Variants in COL18A1 observed in about 807,000 individuals in gnomAD.
The protein encoded by COL18A1 is collagen alpha-1(XVIII) chain.
COL18A1 carries 133 observed loss-of-function variants against 168.0 expected under a neutral mutation model. That is an observed-to-expected ratio of 0.79 (90% CI 0.69 to 0.91). The LOEUF is 0.91. Ranked by LOEUF, COL18A1 falls within the 40% of genes least tolerant of loss-of-function variation. The pLI, the probability that COL18A1 is intolerant of heterozygous loss-of-function variation, is 0.00. For missense variants in COL18A1, 2,126 were observed against 1,925.4 expected (o/e 1.10, Z -1.95); for synonymous variants, 949 against 809.0 (o/e 1.17, Z -2.94).
At position 45,491,373 on chromosome 21, in the gene COL18A1, A is replaced by C. The variant is rs1385698550; in HGVS notation, c.2157+59A>C. ...TCCAGACCCCCCACGGGGTGCAGAG[A>C]TCCCTCCCCGAGCCCCCCCCACACC... On this transcript the variant is annotated intron_variant, in intron 22 of 41. Transcript: ENST00000651438. 7.5e-6 allele frequency: 7 copies of C among 932,404 alleles called. No homozygotes were observed. In the East Asian group the frequency reaches 1.8e-4, roughly 25 times the overall value. The allele number at this position is 932,404 out of a possible 1,614,324, so 57.8% of individuals were successfully genotyped here. A position where few individuals can be genotyped will look rare whatever the true frequency, so the allele number is the denominator to read the frequency against.
rs2034433533 is a variant in COL18A1 at position 45,443,370 on chromosome 21, TA to T, written c.107-24869del. On this transcript the variant is annotated intron_variant, in intron 2 of 41. Coordinates refer to ENST00000651438, the MANE Select transcript of COL18A1 (RefSeq NM_001379500.1). This position sits in a 1 kb window ranked among gnomAD's most constrained non-coding sequence, Gnocchi z 5.2. ...AAAACCCAGTTAAGGAGCAACCTGG[TA>T]AACCCTTGAAAACCAAGTGGGCCTT... is the stretch of plus-strand genomic sequence containing the variant. 1.3e-5 allele frequency among the ~76,000 whole-genome samples: 2 copies of T among 152,278 alleles called. No individual in the cohort carries two copies. The highest frequency in any genetic ancestry group is 2.9e-5 in the Non-Finnish European group (2 of 68,004).
At chr21:45,476,741 CAT>C (rs945672949) in intron 6 of COL18A1, among the ~76,000 whole-genome samples, 6 of 144,402 alleles carry the variant, frequency 4.2e-5, no homozygotes, top group East Asian at 2.1e-4. Flanking sequence ...TGCATGTGGG[CAT>C]GTGTGTGTGC....
chr21:45,494,379 G>A (rs759089272), intron 26 of COL18A1, 166 bp from the exon 27 acceptor site: 2 of 935,848 alleles, frequency 2.1e-6, no homozygotes, highest in Non-Finnish European at 3.3e-6. Context: ...CCTGCGCCTT[G>A]GGGACGGCCC....
At chr21:45,508,471 GTGGGTGAGTGGA>G (rs1203680794) in intron 38 of COL18A1, among the ~76,000 whole-genome samples, 4 of 149,084 alleles carry the variant, frequency 2.7e-5, no homozygotes, top group Admixed American at 6.6e-5. Flanking sequence ...GGATGGACAG[GTGGGTGAGTGGA>G]TGGGTGGGTG....
chr21:45,504,176 G>A (rs577307410), intron 33 of COL18A1, 122 bp downstream of exon 33: 23 of 1,188,960 alleles, frequency 1.9e-5, no homozygotes, highest in East Asian at 7.2e-5. Context: ...TGCGAGGGGC[G>A]CTGGCTCCAG....
chr21:45,415,594 G>A (rs927063599), intron 2 of COL18A1, among the ~76,000 whole-genome samples: 6 of 152,354 alleles, frequency 3.9e-5, no homozygotes, highest in East Asian at 3.9e-4. Context: ...AGTTGAGAGC[G>A]GGGGTGCGGC....
chr21:45,498,729 G>T lies in COL18A1; in HGVS notation c.2683+1068G>T, dbSNP rs2036635861. 3 of 616,772 alleles carry T rather than the reference G, an allele frequency of 4.9e-6. No individual in the cohort carries two copies. In the Admixed American group the frequency reaches 8.1e-5, roughly 17 times the overall value. 38.2% of individuals were successfully genotyped at this position (616,772 alleles called of 1,614,324 possible). The stretch of plus-strand genomic sequence containing the variant: ...AGGAAGGAGTGAATGATGCACAGAT[G>T]ACCAGAAACCAGGAGAAGAGGCCAG... On this transcript the variant is annotated intron_variant, in intron 32 of 41. Coordinates refer to ENST00000651438, the MANE Select transcript of COL18A1 (RefSeq NM_001379500.1). The surrounding 1 kb of genome is among the most constrained non-coding windows in gnomAD (Gnocchi z 4.5).
At chr21:45,451,508 C>T (rs894576681) in intron 2 of COL18A1, among the ~76,000 whole-genome samples, 9 of 152,260 alleles carry the variant, frequency 5.9e-5, no homozygotes, top group African/African-American at 1.9e-4. Context: ...ACGGGGTTGG[C>T]GAGCCATGCT....
chr21:45,480,234 T>A, intron 11 of COL18A1, 78 bp downstream of exon 11: 1 of 1,134,366 alleles, frequency 8.8e-7, no homozygotes, highest in Non-Finnish European at 1.3e-6. Flanking sequence ...CCCAGAAGTA[T>A]CAGCTCCACC....
At chr21:45,422,543 C>A (rs373029104) in intron 2 of COL18A1, 2 of 516,668 alleles carry the variant, frequency 3.9e-6, no homozygotes, top group Non-Finnish European at 7.9e-6. Flanking sequence ...TGCCAGGACC[C>A]GGGCAGGGCA....
intron 19 of COL18A1, 41 bp from the exon 20 acceptor site, chr21:45,490,234 C>A: frequency 6.6e-7 from 1 of 1,519,114 alleles, no homozygotes; most frequent in Non-Finnish European, 8.9e-7. Flanking sequence ...CATTCCTGGG[C>A]GTGTGGCCAA....
At chr21:45,426,490 G>A (rs879256255) in intron 2 of COL18A1, among the ~76,000 whole-genome samples, 11 of 152,136 alleles carry the variant, frequency 7.2e-5, no homozygotes, top group Admixed American at 2.6e-4. Flanking sequence ...CACCCTCCTC[G>A]CCGAGATGGA....
intron 2 of COL18A1, among the ~76,000 whole-genome samples, chr21:45,454,201 T>C (rs1294892251): frequency 6.6e-6 from 1 of 151,686 alleles, no homozygotes; most frequent in Non-Finnish European, 1.5e-5. Flanking sequence ...GAGAAGGAGG[T>C]GGCACTCAGC....
chr21:45,484,549 C>T (rs2036040608), intron 15 of COL18A1, among the ~76,000 whole-genome samples: 1 of 152,254 alleles, frequency 6.6e-6, no homozygotes. Flanking sequence ...CACATGTGCA[C>T]ACAGCTCTCA....
At chr21:45,505,709 C>A in intron 36 of COL18A1, 129 bp from the exon 37 acceptor site, 1 of 781,764 alleles carries the variant, frequency 1.3e-6, no homozygotes, top group Non-Finnish European at 2.1e-6. Context: ...TGGGGGCAGC[C>A]GCCTCAGTCC....
chr21:45,451,271 A>C (rs533726182), intron 2 of COL18A1, among the ~76,000 whole-genome samples: 3 of 152,344 alleles, frequency 2.0e-5, no homozygotes, highest in Admixed American at 6.5e-5. Flanking sequence ...CCATTTTCTC[A>C]TCAGGGATAG....
intron 27 of COL18A1, 83 bp from the exon 28 acceptor site, chr21:45,494,779 C>T (rs905984245): frequency 4.5e-6 from 6 of 1,337,098 alleles, no homozygotes; most frequent in Admixed American, 1.9e-5. Context: ...CTCTGCATGG[C>T]CCCTCCCCTT....
In COL18A1 at chr21:45,473,219, C is replaced by T. The variant is rs2033497052; in HGVS notation, c.652-676C>T. On this transcript the variant is annotated intron_variant, in intron 3 of 41. Transcript: ENST00000651438. This position sits in a 1 kb window ranked among gnomAD's most constrained non-coding sequence, Gnocchi z 4.0. ...CATCCCCGGCCTGCATCTCACCAGGCACCGCCGGCCGCGCCAGGGCCCGAG... is the reference window on the plus strand; with the variant it reads ...CATCCCCGGCCTGCATCTCACCAGGTACCGCCGGCCGCGCCAGGGCCCGAG... 6.6e-6 allele frequency among the ~76,000 whole-genome samples: 1 copy of T among 152,232 alleles called. No individual in the cohort carries two copies. Among genetic ancestry groups the T allele is most frequent in the Admixed American group, 6.5e-5 (1 of 15,292 alleles).
intron 26 of COL18A1, 168 bp from the exon 27 acceptor site, chr21:45,494,377 T>G: frequency 2.2e-6 from 2 of 910,816 alleles, no homozygotes; most frequent in Non-Finnish European, 3.5e-6. Context: ...TGCCTGCGCC[T>G]TGGGGACGGC....
Sources: gnomAD v4.1 joint callset for allele counts (sites outside exome capture counted in the v4.1 genomes callset) on GRCh38, gnomAD v4.1.1 for gene constraint, Gnocchi (gnomAD v3.1) non-coding constraint, MANE v1.5 for transcripts, NCBI Gene and HGNC (gene_info 2026-07-23, HGNC 2026-07-21) for gene names.